CHD7: variants seen among roughly 807,000 people sequenced by gnomAD.
The protein encoded by CHD7 is ATP-dependent chromatin remodeler CHD7.
Under a neutral mutation model 307.3 loss-of-function variants are expected in CHD7, and 24 were observed. The observed-to-expected ratio is 0.08, with a 90% CI of 0.06 to 0.11. The LOEUF (loss-of-function observed/expected upper bound fraction) is 0.11. Ranked by LOEUF, CHD7 falls within the 10% of genes least tolerant of loss-of-function variation. CHD7 has a pLI of 1.00. For synonymous variants in CHD7, 1,363 were observed against 1,349.9 expected (o/e 1.01, Z -0.21); for missense variants, 3,106 against 3,727.1 (o/e 0.83, Z 4.34).
intron 1 of CHD7, among the ~76,000 whole-genome samples, chr8:60,739,760 A>G (rs1808897072): frequency 6.6e-6 from 1 of 152,236 alleles, no homozygotes; most frequent in Admixed American, 6.5e-5. Context: ...GGCAGGCAGA[A>G]ACAGAATTTT....
At chr8:60,700,300 T>G (rs920091096) in intron 1 of CHD7, among the ~76,000 whole-genome samples, 1 of 152,202 alleles carries the variant, frequency 6.6e-6, no homozygotes, top group African/African-American at 2.4e-5. Context: ...TGTTAGAAGC[T>G]TACCATCTTA....
rs181079446 is a variant in CHD7, at chr8:60,854,744, A to C, written c.6936+221A>C. 4.6e-5 allele frequency among the ~76,000 whole-genome samples: 7 copies of C among 152,366 alleles called. No individual in the cohort carries two copies. In the East Asian group the frequency reaches 1.2e-3, roughly 25 times the overall value. On this transcript the variant is annotated intron_variant, in intron 32 of 37. Coordinates refer to ENST00000423902, the MANE Select transcript of CHD7 (RefSeq NM_017780.4). The stretch of plus-strand genomic sequence containing the variant: ...GGATGGGAAATGTGATGTGAAAGAA[A>C]GATAATAAGAAATAGAAGTGTGTAT...
In CHD7 at chr8:60,822,647, A is replaced by G; in HGVS notation, c.3102A>G (p.Glu1034=). ...PLSTIPNWER[E]FRTWTELNVV... is the part of the protein sequence containing the mutation. ...CCACAATCCCCAACTGGGAAAGGGA[A>G]TTCCGAACCTGGACAGAGTTGAACG... is the stretch of plus-strand genomic sequence containing the variant. Residue 1034 remains glutamate (E), a synonymous_variant, in exon 12 of 38, where the codon GAA becomes GAG. Transcript: ENST00000423902. 2 of 1,613,918 alleles carry G rather than the reference A, an allele frequency of 1.2e-6. No individual in the cohort carries two copies. The highest frequency in any genetic ancestry group is 1.7e-6 in the Non-Finnish European group (2 of 1,179,790).
chr8:60,758,146 AT>A (rs527953605), intron 2 of CHD7, among the ~76,000 whole-genome samples: 4 of 151,018 alleles, frequency 2.6e-5, no homozygotes, highest in South Asian at 2.1e-4. Flanking sequence ...TTTTGTATAC[AT>A]TTTTTTTTGA....
At chr8:60,740,556 G>A (rs1302555280) in intron 1 of CHD7, among the ~76,000 whole-genome samples, 1 of 152,142 alleles carries the variant, frequency 6.6e-6, no homozygotes, top group East Asian at 1.9e-4. Context: ...TTTTCTTTTA[G>A]TTTCTTTCTG....
At chr8:60,745,095 A>C (rs1809259609) in intron 2 of CHD7, among the ~76,000 whole-genome samples, 1 of 151,686 alleles carries the variant, frequency 6.6e-6, no homozygotes, top group Non-Finnish European at 1.5e-5. Context: ...TCAGGGCAGA[A>C]CGCCTCTCCT....
At chr8:60,719,472 A>T (rs991900579) in intron 1 of CHD7, among the ~76,000 whole-genome samples, 2 of 152,136 alleles carry the variant, frequency 1.3e-5, no homozygotes, top group Non-Finnish European at 2.9e-5. Flanking sequence ...CTTGAAATGG[A>T]TATCAGTCTC....
At chr8:60,726,058 T>C (rs779127460) in intron 1 of CHD7, among the ~76,000 whole-genome samples, 9 of 152,370 alleles carry the variant, frequency 5.9e-5, no homozygotes, top group Admixed American at 2.0e-4. Context: ...TTCCGATTAC[T>C]AATAGTTTCC....
intron 3 of CHD7, among the ~76,000 whole-genome samples, chr8:60,783,143 A>G (rs887970767): frequency 2.0e-5 from 3 of 152,158 alleles, no homozygotes; most frequent in Admixed American, 2.0e-4. Context: ...AAAGAAAATA[A>G]CACTTTATAT....
intron 23 of CHD7, among the ~76,000 whole-genome samples, chr8:60,846,171 G>A (rs1023351875): frequency 6.6e-6 from 1 of 152,150 alleles, no homozygotes; most frequent in African/African-American, 2.4e-5. Flanking sequence ...ACATTGTAGA[G>A]GACTGGTTTT....
At chr8:60,685,815 T>G (rs774354868) in intron 1 of CHD7, among the ~76,000 whole-genome samples, 19 of 152,240 alleles carry the variant, frequency 1.2e-4, no homozygotes, top group Non-Finnish European at 2.1e-4. Context: ...GAAAAGCTTC[T>G]GAATTGCTGA....
intron 6 of CHD7, among the ~76,000 whole-genome samples, chr8:60,805,035 T>C (rs1812474769): frequency 6.6e-6 from 1 of 152,200 alleles, no homozygotes; most frequent in African/African-American, 2.4e-5. Context: ...GAGTGTTGTG[T>C]GTATGTATGG....
rs143111740 is a variant in CHD7, at chr8:60,812,662, C to CAAA, written c.2499-3710_2499-3708dup. ...TGGGCGACAGTGTGAGACTACATCT[C>CAAA]AAAAAAAAAAAAAAAAAGAGTCCAT... On this transcript the variant is annotated intron_variant, in intron 7 of 37. Transcript: ENST00000423902. 5.1e-4 allele frequency among the ~76,000 whole-genome samples: 42 copies of CAAA among 81,964 alleles called. 1 individual carries two copies. Among genetic ancestry groups the CAAA allele is most frequent in the Admixed American group, 2.8e-3 (20 of 7,192 alleles). 53.8% of individuals were successfully genotyped at this position (81,964 alleles called of 152,430 possible).
intron 1 of CHD7, among the ~76,000 whole-genome samples, chr8:60,719,643 C>G (rs900847749): frequency 2.6e-5 from 4 of 152,164 alleles, no homozygotes; most frequent in African/African-American, 9.7e-5. Flanking sequence ...AAAGCACATT[C>G]TGCACCTGCC....
intron 2 of CHD7, among the ~76,000 whole-genome samples, chr8:60,743,423 TTCTTTC>T (rs1194210551): frequency 6.6e-6 from 1 of 152,230 alleles, no homozygotes; most frequent in Non-Finnish European, 1.5e-5. Context: ...TTCTTCTTTA[TTCTTTC>T]TCTTTCTTTG....
At chr8:60,686,762 A>G (rs939501706) in intron 1 of CHD7, among the ~76,000 whole-genome samples, 8 of 152,020 alleles carry the variant, frequency 5.3e-5, no homozygotes, top group Non-Finnish European at 8.8e-5. Context: ...TCCTCAGTGT[A>G]AAACAGTCAG....
chr8:60,854,283 C>A, intron 31 of CHD7, 80 bp from the exon 32 acceptor site: 1 of 1,292,648 alleles, frequency 7.7e-7, no homozygotes. Context: ...TTAGTATTCA[C>A]ATTTTTAATC....
chr8:60,811,682 T>C (rs117525514), intron 7 of CHD7, among the ~76,000 whole-genome samples: 2,817 of 152,272 alleles, frequency 0.018, 54 homozygotes, highest in Admixed American at 0.036. Context: ...AGGCATGGCT[T>C]CCAGGTGAAT....
chr8:60,740,658 T>C (rs771016650), intron 1 of CHD7, among the ~76,000 whole-genome samples: 1 of 152,264 alleles, frequency 6.6e-6, no homozygotes, highest in Non-Finnish European at 1.5e-5. Flanking sequence ...ATGAACACTT[T>C]CTTGTTAGAT....
Sources: allele counts gnomAD v4.1 joint callset (sites outside exome capture counted in the v4.1 genomes callset), GRCh38; gene constraint gnomAD v4.1.1; transcripts MANE v1.5; gene names NCBI Gene and HGNC (gene_info 2026-07-23, HGNC 2026-07-21).